Variants in LARP4B observed in about 807,000 individuals in gnomAD.
The protein encoded by LARP4B is la-related protein 4B.
Under a neutral mutation model 89.8 loss-of-function variants are expected in LARP4B, and 12 were observed. The ratio of observed to expected loss-of-function variants is 0.13; its 90% CI spans 0.09 to 0.22. The LOEUF (loss-of-function observed/expected upper bound fraction) is 0.22. Among genes scored for constraint, LARP4B ranks in the 10% least tolerant of loss-of-function variants. LARP4B has a pLI of 1.00. For synonymous variants in LARP4B, 367 were observed against 363.3 expected, an observed-to-expected ratio of 1.01 and a Z score of -0.12; for missense variants, 757 against 947.7, an observed-to-expected ratio of 0.80 and a Z score of 2.64.
the LARP4B span, chr10:973,086 C>A: frequency 1.7e-5 from 6 of 359,914 alleles, no homozygotes; most frequent in Admixed American, 1.1e-4. Flanking sequence ...CCCTGTGCTG[C>A]GGGCTGCCTT....
chr10:825,878 C>T lies in LARP4B; in HGVS notation c.1126-8G>A. 6.5e-7 allele frequency: 1 copy of T among 1,547,230 alleles called. No individual in the cohort carries two copies. The highest frequency in any genetic ancestry group is 8.9e-7 in the Non-Finnish European group (1 of 1,123,224). On this transcript the variant is annotated splice_polypyrimidine_tract_variant and splice_region_variant and intron_variant, in intron 11 of 17. Coordinates refer to ENST00000316157, the MANE Select transcript of LARP4B (RefSeq NM_015155.3). ...ATTTGGAAATGGAGTTACCTAGATT[C>T]ATTTGAAAACAGACAAGTAAATAAA...
At chr10:947,632 G>GT in the LARP4B span, among the ~76,000 whole-genome samples, 1 of 152,082 alleles carries the variant, frequency 6.6e-6, no homozygotes, top group Admixed American at 6.5e-5. Context: ...GTTTTGTTTT[G>GT]TTTTTTGAGA....
At chr10:960,868 T>C in the LARP4B span, among the ~76,000 whole-genome samples, 1 of 152,146 alleles carries the variant, frequency 6.6e-6, no homozygotes, top group African/African-American at 2.4e-5. Flanking sequence ...TCATCATTTA[T>C]ATTCTCAGAA....
chr10:961,314 G>A, the LARP4B span, among the ~76,000 whole-genome samples: 4 of 152,346 alleles, frequency 2.6e-5, no homozygotes, highest in African/African-American at 7.2e-5. Context: ...TTTGGCTCAC[G>A]GTTCTGCGGG....
chr10:924,711 G>T (rs1451142057), intron 1 of LARP4B, among the ~76,000 whole-genome samples: 1 of 152,086 alleles, frequency 6.6e-6, no homozygotes, highest in African/African-American at 2.4e-5. Flanking sequence ...TCCAACCTCG[G>T]TGCCACCATC....
chr10:820,691 T>G, intron 14 of LARP4B, 109 bp downstream of exon 14: 2 of 1,004,350 alleles, frequency 2.0e-6, no homozygotes, highest in Non-Finnish European at 3.0e-6. Flanking sequence ...ACAAGTCTTT[T>G]GAAATGCTCA....
intron 1 of LARP4B, among the ~76,000 whole-genome samples, chr10:894,514 G>T (rs1236440156): frequency 6.6e-6 from 1 of 152,114 alleles, no homozygotes; most frequent in Admixed American, 6.5e-5. Flanking sequence ...AATAAATTAG[G>T]TTTAAAATGA....
chr10:859,179 T>C (rs1834463364), intron 5 of LARP4B, among the ~76,000 whole-genome samples: 1 of 151,534 alleles, frequency 6.6e-6, no homozygotes, highest in Non-Finnish European at 1.5e-5. Context: ...CTTGGGAGGC[T>C]GAGGCAGGAG....
At chr10:988,330 G>T in the LARP4B span, 1 of 663,278 alleles carries the variant, frequency 1.5e-6, no homozygotes, top group South Asian at 1.8e-5. Flanking sequence ...TGCGCTGTGC[G>T]ACGCGGAAAG....
chr10:899,089 C>T lies in LARP4B; in HGVS notation c.-39-13329G>A, dbSNP rs138708385. On this transcript the variant is annotated intron_variant, in intron 1 of 17. Transcript: ENST00000316157. ...CATGATTTTAGCATGTAAAGATAAG[C>T]ATCTTTTTTCTTACAATATGGTACT... 4.9e-3 allele frequency among the ~76,000 whole-genome samples: 749 copies of T among 152,264 alleles called. 3 individuals carry two copies. The highest frequency in any genetic ancestry group is 8.4e-3 in the Non-Finnish European group (571 of 68,018).
Position 914,539 on chromosome 10 carries a change from G to A in LARP4B, c.-40+16889C>T, listed in dbSNP as rs374243595. On this transcript the variant is annotated intron_variant, in intron 1 of 17. Transcript: ENST00000316157. ...GAGTGAGGCGTGGTGGCTCGCACCC[G>A]TAATCCCAGCACTTTGGGAGGCCAA... 7.5e-5 allele frequency among the ~76,000 whole-genome samples: 11 copies of A among 147,182 alleles called. No homozygotes were observed. The East Asian group carries it at 1.4e-3, about 19-fold the overall frequency.
chr10:961,366 C>G, the LARP4B span, among the ~76,000 whole-genome samples: 1 of 152,126 alleles, frequency 6.6e-6, no homozygotes, highest in Non-Finnish European at 1.5e-5. Flanking sequence ...TCAGGTGAGG[C>G]CTCGGGAAGG....
intron 1 of LARP4B, among the ~76,000 whole-genome samples, chr10:890,432 G>A (rs999145207): frequency 1.3e-5 from 2 of 152,148 alleles, no homozygotes; most frequent in African/African-American, 2.4e-5. Context: ...TCATTTTAAT[G>A]TATATGTATC....
chr10:937,283 T>C, the LARP4B span, among the ~76,000 whole-genome samples: 1 of 152,122 alleles, frequency 6.6e-6, no homozygotes, highest in Non-Finnish European at 1.5e-5. Flanking sequence ...GCTGAAGCAA[T>C]CCGCTTACTT....
intron 3 of LARP4B, among the ~76,000 whole-genome samples, chr10:871,791 C>T (rs1835212367): frequency 6.6e-6 from 1 of 152,162 alleles, no homozygotes; most frequent in Admixed American, 6.5e-5. Context: ...TCTAGACCAA[C>T]AGGAAGGATA....
At position 920,148 on chromosome 10, in the gene LARP4B, G is replaced by T. The variant is rs972239164; in HGVS notation, c.-40+11280C>A. On this transcript the variant is annotated intron_variant, in intron 1 of 17. Transcript: ENST00000316157. Reference sequence around the variant, plus strand: ...TTTGATATACCACAGCGGAGGGTGCGCCTTAACAGCGACCACAGTAAACTC... The same window carrying T: ...TTTGATATACCACAGCGGAGGGTGCTCCTTAACAGCGACCACAGTAAACTC... 2.0e-5 allele frequency among the ~76,000 whole-genome samples: 3 copies of T among 152,132 alleles called. No individual in the cohort carries two copies. The South Asian group carries it at 6.2e-4, about 31-fold the overall frequency.
intron 5 of LARP4B, among the ~76,000 whole-genome samples, chr10:861,111 A>G (rs1834589526): frequency 6.6e-6 from 1 of 152,226 alleles, no homozygotes; most frequent in South Asian, 2.1e-4. Flanking sequence ...AGCCGAGATC[A>G]CGCCACTGCA....
intron 1 of LARP4B, among the ~76,000 whole-genome samples, chr10:894,139 T>C (rs1836121448): frequency 6.6e-6 from 1 of 152,156 alleles, no homozygotes; most frequent in Non-Finnish European, 1.5e-5. Flanking sequence ...TTCCAAATGG[T>C]TAAGTGAGAC....
At chr10:912,194 A>G (rs1588984381) in intron 1 of LARP4B, among the ~76,000 whole-genome samples, 2 of 152,230 alleles carry the variant, frequency 1.3e-5, no homozygotes, top group East Asian at 3.9e-4. Context: ...ATGTAGATCA[A>G]GGGTGTCCAA....
Sources: allele counts gnomAD v4.1 joint callset (sites outside exome capture counted in the v4.1 genomes callset), GRCh38; gene constraint gnomAD v4.1.1; transcripts MANE v1.5; gene names NCBI Gene and HGNC (gene_info 2026-07-23, HGNC 2026-07-21).